The following GPR39 variants were observed in gnomAD, a reference collection of about 807,000 sequenced individuals.
GPR39 encodes the protein G protein-coupled receptor 39, also known as zinc sensing receptor.
GPR39 carries 23 observed loss-of-function variants against 18.4 expected under a neutral mutation model. That is an observed-to-expected ratio of 1.25 (90% CI 0.90 to 1.77). GPR39 has a LOEUF of 1.77. Among genes scored for constraint, GPR39 ranks in the 40% most tolerant of loss-of-function variants. GPR39 has a pLI of 0.00. For synonymous variants in GPR39, 280 were observed against 257.9 expected, an observed-to-expected ratio of 1.09 and a Z score of -0.82; for missense variants, 647 against 602.4, an observed-to-expected ratio of 1.07 and a Z score of -0.78.
intron 1 of GPR39, among the ~76,000 whole-genome samples, chr2:132,461,230 G>A (rs1413937920): frequency 6.6e-6 from 1 of 152,120 alleles, no homozygotes; most frequent in Non-Finnish European, 1.5e-5. Flanking sequence ...CTCTAAACAA[G>A]TCTCAGTCTA....
intron 1 of GPR39, 37 bp downstream of exon 1, chr2:132,417,935 C>T: frequency 6.5e-7 from 1 of 1,536,778 alleles, no homozygotes; most frequent in South Asian, 1.2e-5. Flanking sequence ...TGAGCAGCTT[C>T]CCAACCTTCC....
chr2:132,609,050 T>TCCAGTGTGTACAATG (rs1317014398), intron 1 of GPR39, among the ~76,000 whole-genome samples: 1 of 152,186 alleles, frequency 6.6e-6, no homozygotes, highest in Non-Finnish European at 1.5e-5. Context: ...AGAGGATGTT[T>TCCAGTGTGTACAATG]TCCAGTGTGT....
chr2:132,617,779 CA>C (rs1291263593), intron 1 of GPR39, among the ~76,000 whole-genome samples: 4 of 152,186 alleles, frequency 2.6e-5, no homozygotes, highest in African/African-American at 9.7e-5. Context: ...TGAATGCAGA[CA>C]GATCTGAGTT....
At chr2:132,466,176 G>A (rs1680924610) in intron 1 of GPR39, among the ~76,000 whole-genome samples, 1 of 152,170 alleles carries the variant, frequency 6.6e-6, no homozygotes, top group Non-Finnish European at 1.5e-5. Flanking sequence ...AAGGGTTCAT[G>A]TCTTAACTGA....
chr2:132,431,311 T>C (rs1680220759), intron 1 of GPR39, among the ~76,000 whole-genome samples: 2 of 152,230 alleles, frequency 1.3e-5, no homozygotes, highest in African/African-American at 4.8e-5. Flanking sequence ...AAGCCAGGAC[T>C]CCTTATTTCA....
intron 1 of GPR39, among the ~76,000 whole-genome samples, chr2:132,548,897 T>G (rs1052318461): frequency 2.6e-5 from 4 of 152,342 alleles, no homozygotes; most frequent in African/African-American, 9.6e-5. Flanking sequence ...ATTCACATTG[T>G]TCAACAAATG....
chr2:132,645,717 G>T lies in GPR39; in HGVS notation c.*111G>T. On this transcript the variant is annotated 3_prime_UTR_variant, in exon 2 of 2. Transcript: ENST00000329321. ...CCCATCAGGGATGGAATGGACACTG[G>T]AGGCTTTACAAAAGGCAGATGCCCA... 7.0e-7 allele frequency: 1 copy of T among 1,428,204 alleles called. No homozygotes were observed. The allele number at this position is 1,428,204 out of a possible 1,614,324, so 88.5% of individuals were successfully genotyped here.
At chr2:132,540,980 G>A (rs1426808973) in intron 1 of GPR39, among the ~76,000 whole-genome samples, 1 of 152,132 alleles carries the variant, frequency 6.6e-6, no homozygotes, top group Non-Finnish European at 1.5e-5. Flanking sequence ...TGGCTTCTCT[G>A]TGGTGGCCCT....
intron 1 of GPR39, among the ~76,000 whole-genome samples, chr2:132,489,793 C>T (rs1681421723): frequency 1.3e-5 from 2 of 151,796 alleles, no homozygotes; most frequent in African/African-American, 4.9e-5. Context: ...ATTTTTAGTA[C>T]AAAAATTACT....
intron 1 of GPR39, among the ~76,000 whole-genome samples, chr2:132,601,157 A>G (rs1354610042): frequency 6.6e-6 from 1 of 152,186 alleles, no homozygotes; most frequent in Admixed American, 6.5e-5. Flanking sequence ...CAAACCAGAC[A>G]AGTACACACA....
At chr2:132,473,992 G>C (rs1424926127) in intron 1 of GPR39, among the ~76,000 whole-genome samples, 2 of 152,166 alleles carry the variant, frequency 1.3e-5, no homozygotes, top group African/African-American at 4.8e-5. Context: ...CTTAGTGACT[G>C]GGAAATAATC....
In GPR39 at chr2:132,535,006, A is replaced by C. The variant is rs553224959; in HGVS notation, c.857-110095A>C. Among the ~76,000 whole-genome samples the C allele has an allele frequency of 3.2e-3, 478 of 151,048 alleles. 1 individual carries two copies. The highest frequency in any genetic ancestry group is 5.2e-3 in the Non-Finnish European group (350 of 67,706). On this transcript the variant is annotated intron_variant, in intron 1 of 1. Transcript: ENST00000329321. ...AAGTATAATAATAATTAAAAAAAAA[A>C]CATGTCATCTGCAAACGGAGATAGT...
At chr2:132,534,631 C>T (rs1180817680) in intron 1 of GPR39, among the ~76,000 whole-genome samples, 1 of 151,588 alleles carries the variant, frequency 6.6e-6, no homozygotes, top group African/African-American at 2.4e-5. Flanking sequence ...AAATGTGGCA[C>T]ATATACACTA....
chr2:132,530,847 A>C (rs1277191158), intron 1 of GPR39, among the ~76,000 whole-genome samples: 2 of 152,232 alleles, frequency 1.3e-5, no homozygotes, highest in Admixed American at 6.5e-5. Context: ...AGAGCTCCTG[A>C]AGGAAGCACT....
chr2:132,452,698 A>G (rs917161793), intron 1 of GPR39, among the ~76,000 whole-genome samples: 3 of 151,566 alleles, frequency 2.0e-5, no homozygotes, highest in East Asian at 1.9e-4. Context: ...TCTTTGTTCA[A>G]TTCCCACCTA....
intron 1 of GPR39, among the ~76,000 whole-genome samples, chr2:132,561,665 C>A (rs1354384867): frequency 1.3e-5 from 2 of 151,786 alleles, no homozygotes; most frequent in Non-Finnish European, 2.9e-5. Flanking sequence ...CCAAAATCTG[C>A]AGTTGGCAAG....
At chr2:132,525,402 T>C (rs771515192) in intron 1 of GPR39, among the ~76,000 whole-genome samples, 2 of 152,210 alleles carry the variant, frequency 1.3e-5, no homozygotes, top group South Asian at 2.1e-4. Context: ...AGGGATTTTA[T>C]AAGTAATCCT....
At chr2:132,601,064 T>A (rs1681034944) in intron 1 of GPR39, among the ~76,000 whole-genome samples, 1 of 152,168 alleles carries the variant, frequency 6.6e-6, no homozygotes, top group Non-Finnish European at 1.5e-5. Context: ...CTAACACCAA[T>A]TCTTCTCCAA....
At chr2:132,441,388 T>G (rs1310868313) in intron 1 of GPR39, among the ~76,000 whole-genome samples, 1 of 80,274 alleles carries the variant, frequency 1.2e-5, no homozygotes, top group Admixed American at 1.2e-4. Flanking sequence ...TATATGCTTT[T>G]TTTTTTGTTG....
Sources: gnomAD v4.1 joint callset for allele counts (sites outside exome capture counted in the v4.1 genomes callset) on GRCh38, gnomAD v4.1.1 for gene constraint, MANE v1.5 for transcripts, NCBI Gene and HGNC (gene_info 2026-07-23, HGNC 2026-07-21) for gene names.